The following VWA3B variants were observed in gnomAD, a reference collection of about 807,000 sequenced individuals.
The protein encoded by VWA3B is von Willebrand factor A domain-containing protein 3B.
VWA3B carries 138 observed loss-of-function variants against 158.3 expected under a neutral mutation model. The observed-to-expected ratio is 0.87, with a 90% confidence interval of 0.76 to 1.00. VWA3B has a LOEUF of 1.00. Ranked by LOEUF, VWA3B falls within the 50% of genes least tolerant of loss-of-function variation. The probability of loss-of-function intolerance (pLI) is 0.00; values close to 1 mark genes in which losing one functional copy is unlikely to be tolerated. For synonymous variants in VWA3B, 596 were observed against 587.3 expected (o/e 1.01, Z -0.21); for missense variants, 1,555 against 1,565.1 (o/e 0.99, Z 0.11).
chr2:98,296,098 T>C (rs781591248), intron 23 of VWA3B, among the ~76,000 whole-genome samples: 1 of 152,192 alleles, frequency 6.6e-6, no homozygotes, highest in Non-Finnish European at 1.5e-5. Context: ...TTAGGCTTCG[T>C]CGGCTACACA....
intron 22 of VWA3B, among the ~76,000 whole-genome samples, chr2:98,286,826 T>A (rs1689190088): frequency 6.6e-6 from 1 of 152,148 alleles, no homozygotes; most frequent in Non-Finnish European, 1.5e-5. Context: ...AATTTCTAGT[T>A]CCCTATGGCT....
chr2:98,311,898 AGAC>A lies in VWA3B; in HGVS notation c.3604_3606del (p.Arg1202del). On this transcript the variant is annotated inframe_deletion, in exon 27 of 28. Transcript: ENST00000477737. ...GGACACGCAGGATTCCAGAGAGCCA[AGAC>A]GAGAGAAGCCCAGGAGGAAAAAGAG... The A allele has an allele frequency of 1.2e-6, 2 of 1,611,674 alleles. No individual in the cohort carries two copies. Among genetic ancestry groups the A allele is most frequent in the Non-Finnish European group, 1.7e-6 (2 of 1,178,970 alleles).
chr2:98,153,139 C>A (rs796639657), intron 7 of VWA3B, among the ~76,000 whole-genome samples: 36 of 152,320 alleles, frequency 2.4e-4, no homozygotes, highest in African/African-American at 7.7e-4. Context: ...TCAGCTCAGC[C>A]CTCTGGCCAG....
chr2:98,095,725 T>A (rs1297327790), intron 2 of VWA3B, among the ~76,000 whole-genome samples: 2 of 152,232 alleles, frequency 1.3e-5, no homozygotes, highest in Admixed American at 6.5e-5. Flanking sequence ...TCTTTCAACT[T>A]TCCTGCCATT....
intron 2 of VWA3B, among the ~76,000 whole-genome samples, chr2:98,094,477 A>G (rs1573740151): frequency 2.0e-5 from 3 of 152,022 alleles, no homozygotes; most frequent in East Asian, 3.8e-4. Flanking sequence ...TTTAAAAACC[A>G]GGTTTAGTTT....
chr2:98,242,217 T>C, intron 19 of VWA3B: 1 of 456,128 alleles, frequency 2.2e-6, no homozygotes. Flanking sequence ...ATGTATGGGC[T>C]CTTTCTTCTT....
chr2:98,242,481 G>A (rs1313834808), intron 19 of VWA3B, among the ~76,000 whole-genome samples: 1 of 151,986 alleles, frequency 6.6e-6, no homozygotes, highest in Non-Finnish European at 1.5e-5. Context: ...GATTTGAAAA[G>A]CATTGAAATA....
At chr2:98,323,347 G>C in the VWA3B span, among the ~76,000 whole-genome samples, 2 of 151,996 alleles carry the variant, frequency 1.3e-5, no homozygotes, top group Admixed American at 1.3e-4. Context: ...TATTGAATTT[G>C]AATATAGATT....
chr2:98,270,916 C>A (rs1688164668), intron 22 of VWA3B, 33 bp downstream of exon 22: 1 of 1,602,344 alleles, frequency 6.2e-7, no homozygotes, highest in South Asian at 1.1e-5. Context: ...TCTTTCCTCC[C>A]TCTCTGCCTA....
At chr2:98,113,097 T>C (rs941935641) in intron 2 of VWA3B, among the ~76,000 whole-genome samples, 1 of 151,858 alleles carries the variant, frequency 6.6e-6, no homozygotes, top group Non-Finnish European at 1.5e-5. Context: ...TATAATATAT[T>C]GAGGCCTTTT....
At chr2:98,314,324 G>A (rs1344082396), downstream of VWA3B, among the ~76,000 whole-genome samples, 1 of 152,242 alleles carries the variant, frequency 6.6e-6, no homozygotes, top group Non-Finnish European at 1.5e-5. Context: ...GCATGGCTGT[G>A]AGGAAATTAC....
At chr2:98,246,673 C>T (rs895317307) in intron 19 of VWA3B, among the ~76,000 whole-genome samples, 1 of 152,058 alleles carries the variant, frequency 6.6e-6, no homozygotes, top group Admixed American at 6.5e-5. Context: ...TGAGCCACCC[C>T]ACCCAGCCTA....
intron 5 of VWA3B, 33 bp downstream of exon 5, chr2:98,121,491 T>A (rs776048668): frequency 4.4e-6 from 7 of 1,601,626 alleles, no homozygotes; most frequent in Non-Finnish European, 6.0e-6. Flanking sequence ...CCCCAGGCCA[T>A]GGAGGTGGCT....
intron 8 of VWA3B, among the ~76,000 whole-genome samples, chr2:98,179,884 C>T (rs1680387815): frequency 2.1e-5 from 1 of 48,234 alleles, no homozygotes; most frequent in Non-Finnish European, 4.5e-5. Context: ...TCCTCCCTCC[C>T]TCTCTCTCTT....
At chr2:98,212,055 G>C in intron 13 of VWA3B, 27 bp downstream of exon 13, 1 of 1,598,822 alleles carries the variant, frequency 6.3e-7, no homozygotes. Flanking sequence ...GGAACAAAGA[G>C]GGCCTCACTG....
chr2:98,321,222 G>A, the VWA3B span, among the ~76,000 whole-genome samples: 10,314 of 152,332 alleles, frequency 0.068, 531 homozygotes, highest in East Asian at 0.18. Context: ...GTTTGGAAAT[G>A]CCTGGATGCC....
At position 98,092,969 on chromosome 2, in the gene VWA3B, G is replaced by GGT. The variant is rs961105870; in HGVS notation, c.-32-89_-32-88dup. The GGT allele has an allele frequency of 1.2e-5, 10 of 810,958 alleles. No homozygotes were observed. The African/African-American group carries it at 1.7e-4, about 14-fold the overall frequency. The allele number at this position is 810,958 out of a possible 1,614,324, so 50.2% of individuals were successfully genotyped here. ...TTGATAAATAGCATTCCACTTCATG[G>GGT]GTGTACTATAATTTATGTTAAGCCA... On this transcript the variant is annotated intron_variant, in intron 1 of 27. Transcript: ENST00000477737.
chr2:98,278,369 A>G (rs1688658286), intron 22 of VWA3B, among the ~76,000 whole-genome samples: 1 of 152,208 alleles, frequency 6.6e-6, no homozygotes, highest in Admixed American at 6.5e-5. Flanking sequence ...GGCGTGTGTT[A>G]CCGTGCTCCT....
At chr2:98,164,218 A>C (rs1053992328) in intron 8 of VWA3B, among the ~76,000 whole-genome samples, 2 of 152,208 alleles carry the variant, frequency 1.3e-5, no homozygotes, top group African/African-American at 4.8e-5. Flanking sequence ...CTGGGGAAAA[A>C]GTGTGGAATG....
Sources: allele counts gnomAD v4.1 joint callset (sites outside exome capture counted in the v4.1 genomes callset), GRCh38; gene constraint gnomAD v4.1.1; transcripts MANE v1.5; gene names NCBI Gene and HGNC (gene_info 2026-07-23, HGNC 2026-07-21).